Variants in GRIA4 observed in about 807,000 individuals in gnomAD.
GRIA4 encodes the protein glutamate receptor 4.
Under a neutral mutation model 104.0 loss-of-function variants are expected in GRIA4, and 34 were observed. The observed-to-expected ratio is 0.33, with a 90% CI of 0.25 to 0.44. The LOEUF is 0.44. Ranked by LOEUF, GRIA4 falls within the 20% of genes least tolerant of loss-of-function variation. The pLI is 1.00. For missense variants in GRIA4, 750 were observed against 1,096.5 expected (o/e 0.68, Z 4.46); for synonymous variants, 386 against 381.9 (o/e 1.01, Z -0.13).
intron 3 of GRIA4, among the ~76,000 whole-genome samples, chr11:105,646,371 T>C (rs1233743067): frequency 1.3e-5 from 2 of 152,134 alleles, no homozygotes; most frequent in Admixed American, 6.6e-5. Context: ...GAATGGAGGA[T>C]TGCTTGAGCC....
chr11:105,752,292 T>C (rs180990932), intron 3 of GRIA4, among the ~76,000 whole-genome samples: 1 of 152,254 alleles, frequency 6.6e-6, no homozygotes, highest in East Asian at 1.9e-4. Flanking sequence ...AATTGGTTTG[T>C]CTTTGCTTTT....
intron 3 of GRIA4, among the ~76,000 whole-genome samples, chr11:105,750,089 T>A (rs1939911357): frequency 1.3e-5 from 2 of 152,284 alleles, no homozygotes; most frequent in South Asian, 2.1e-4. Flanking sequence ...ATTTGTATGC[T>A]AAGCAACAAT....
intron 4 of GRIA4, among the ~76,000 whole-genome samples, chr11:105,768,536 G>A (rs938659709): frequency 6.6e-6 from 1 of 151,954 alleles, no homozygotes. Context: ...TTTCAAAAAA[G>A]GAGAAGAAAT....
chr11:105,787,163 T>C (rs1942004892), intron 4 of GRIA4, among the ~76,000 whole-genome samples: 2 of 152,150 alleles, frequency 1.3e-5, no homozygotes, highest in Admixed American at 6.5e-5. Context: ...TGTTCCAAAT[T>C]CATTTTTCTG....
At chr11:105,798,346 T>C (rs1942577527) in intron 4 of GRIA4, among the ~76,000 whole-genome samples, 1 of 152,128 alleles carries the variant, frequency 6.6e-6, no homozygotes, top group Non-Finnish European at 1.5e-5. Flanking sequence ...AAGAGATTGT[T>C]GGGCAGGAGG....
chr11:105,767,514 A>G (rs541807760), intron 4 of GRIA4, among the ~76,000 whole-genome samples: 1 of 152,270 alleles, frequency 6.6e-6, no homozygotes, highest in Admixed American at 6.6e-5. Context: ...GTTTTGGAGA[A>G]ATAAGAATCA....
intron 1 of GRIA4, 38 bp from the exon 2 acceptor site, chr11:105,610,870 C>CTTTTTTTTTTTTTTTTTTTTT (rs55973528): frequency 9.1e-6 from 3 of 330,396 alleles, no homozygotes; most frequent in African/African-American, 8.0e-5. Context: ...TCTTTCTTTT[C>CTTTTTTTTTTTTTTTTTTTTT]TTTTTTTTTT....
chr11:105,941,365 A>G (rs2136224928), intron 14 of GRIA4, among the ~76,000 whole-genome samples: 1 of 152,312 alleles, frequency 6.6e-6, no homozygotes, highest in South Asian at 2.1e-4. Context: ...CCATTTTAAT[A>G]TACACCTTTA....
chr11:105,931,265 T>TACACACACACAC (rs373334457), intron 13 of GRIA4, among the ~76,000 whole-genome samples: 43 of 143,786 alleles, frequency 3.0e-4, no homozygotes, highest in African/African-American at 1.1e-3. Flanking sequence ...ATTGCCTAAA[T>TACACACACACAC]ACACACACAC....
chr11:105,657,163 A>C (rs1951869516), intron 3 of GRIA4, among the ~76,000 whole-genome samples: 1 of 152,042 alleles, frequency 6.6e-6, no homozygotes, highest in South Asian at 2.1e-4. Context: ...CAGTTCCAAT[A>C]GTTAACTCCA....
At chr11:105,877,817 T>A (rs1019650627) in intron 5 of GRIA4, among the ~76,000 whole-genome samples, 1 of 152,214 alleles carries the variant, frequency 6.6e-6, no homozygotes, top group African/African-American at 2.4e-5. Flanking sequence ...TCTAACCTTT[T>A]TTCAAGGTTC....
intron 9 of GRIA4, among the ~76,000 whole-genome samples, chr11:105,909,166 T>C (rs1237230210): frequency 2.0e-5 from 3 of 152,152 alleles, no homozygotes; most frequent in Non-Finnish European, 4.4e-5. Flanking sequence ...TTGAATTATA[T>C]ATGCAACACT....
intron 4 of GRIA4, among the ~76,000 whole-genome samples, chr11:105,833,639 A>G (rs1944066643): frequency 6.6e-6 from 1 of 152,026 alleles, no homozygotes; most frequent in Non-Finnish European, 1.5e-5. Context: ...ATTTCCCACA[A>G]GAGTCCTCTA....
chr11:105,797,087 T>C (rs1001618105), intron 4 of GRIA4, among the ~76,000 whole-genome samples: 3 of 152,028 alleles, frequency 2.0e-5, no homozygotes, highest in Admixed American at 1.3e-4. Flanking sequence ...TGCATGCTTA[T>C]AGTCCCAGCT....
At chr11:105,652,261 A>C (rs1951705421) in intron 3 of GRIA4, among the ~76,000 whole-genome samples, 1 of 152,202 alleles carries the variant, frequency 6.6e-6, no homozygotes, top group Non-Finnish European at 1.5e-5. Flanking sequence ...GAATAGAAGA[A>C]AGAAAATTAG....
chr11:105,878,308 C>T (rs559794340), intron 5 of GRIA4, among the ~76,000 whole-genome samples: 43 of 152,224 alleles, frequency 2.8e-4, no homozygotes, highest in South Asian at 6.2e-4. Context: ...AAGGGGCACC[C>T]GCCAGATGCC....
chr11:105,917,228 A>C (rs1402277685), intron 10 of GRIA4, among the ~76,000 whole-genome samples: 1 of 152,180 alleles, frequency 6.6e-6, no homozygotes, highest in South Asian at 2.1e-4. Context: ...AATATTCATC[A>C]AATTAAAAAA....
chr11:105,913,432 T>A, intron 10 of GRIA4: 1 of 446,256 alleles, frequency 2.2e-6, no homozygotes, highest in African/African-American at 2.1e-5. Flanking sequence ...AAAATAAAAT[T>A]AATATCATCA....
At chr11:105,813,918 G>C (rs1943275593) in intron 4 of GRIA4, among the ~76,000 whole-genome samples, 1 of 152,118 alleles carries the variant, frequency 6.6e-6, no homozygotes, top group Non-Finnish European at 1.5e-5. Flanking sequence ...TGCTTTAATA[G>C]GTGGTCCTGG....
Sources: allele counts gnomAD v4.1 joint callset (sites outside exome capture counted in the v4.1 genomes callset), GRCh38; gene constraint gnomAD v4.1.1; transcripts MANE v1.5; gene names NCBI Gene and HGNC (gene_info 2026-07-23, HGNC 2026-07-21).